PTPRT: variants seen among roughly 807,000 people sequenced by gnomAD.
PTPRT encodes protein tyrosine phosphatase receptor type T.
A neutral mutation model predicts 176.8 loss-of-function variants in PTPRT; 56 were observed. That is an observed-to-expected ratio of 0.32 (90% CI 0.26 to 0.40). The LOEUF (loss-of-function observed/expected upper bound fraction) is 0.40. Ranked by LOEUF, PTPRT falls within the 10% of genes least tolerant of loss-of-function variation. The probability of loss-of-function intolerance (pLI) is 1.00; values close to 1 mark genes in which losing one functional copy is unlikely to be tolerated. For missense variants in PTPRT, 1,540 were observed against 1,908.2 expected (o/e 0.81, Z 3.60); for synonymous variants, 783 against 739.0 (o/e 1.06, Z -0.96).
chr20:42,350,214 G>GTTTTTTTTTTTTTTTTTT (rs764181357), intron 11 of PTPRT, among the ~76,000 whole-genome samples: 1 of 58,288 alleles, frequency 1.7e-5, no homozygotes, highest in South Asian at 7.5e-4. Flanking sequence ...GATGTTTCTT[G>GTTTTTTTTTTTTTTTTTT]TTTTTTTTTT....
chr20:42,920,569 T>C (rs1301793350), intron 1 of PTPRT, among the ~76,000 whole-genome samples: 2 of 140,590 alleles, frequency 1.4e-5, no homozygotes, highest in Admixed American at 1.4e-4. Context: ...ACCTTAATAC[T>C]TTTTTTTTTC....
intron 9 of PTPRT, among the ~76,000 whole-genome samples, chr20:42,374,018 G>A (rs2058621104): frequency 6.6e-6 from 1 of 152,174 alleles, no homozygotes; most frequent in Admixed American, 6.5e-5. Flanking sequence ...GGAGGTGGGA[G>A]CAGAGAGGGC....
Position 42,139,039 on chromosome 20 carries a change from C to T in PTPRT, c.2770+2876G>A, listed in dbSNP as rs1044052009. ...CGGCAGGCTTTGCCTTTGGGAGGGA[C>T]GCATACAAGGGCAGGAACACTTTCC... On this transcript the variant is annotated intron_variant, in intron 18 of 30. Coordinates refer to ENST00000373187, the MANE Select transcript of PTPRT (RefSeq NM_007050.6). 6.6e-5 allele frequency among the ~76,000 whole-genome samples: 10 copies of T among 152,274 alleles called. No homozygotes were observed. In the South Asian group the frequency reaches 1.0e-3, roughly 16 times the overall value.
chr20:42,914,887 A>T (rs1225544025), intron 1 of PTPRT, among the ~76,000 whole-genome samples: 1 of 152,114 alleles, frequency 6.6e-6, no homozygotes, highest in Non-Finnish European at 1.5e-5. Flanking sequence ...TAAAAAAAAA[A>T]AAAATACATA....
chr20:42,256,141 T>C (rs2056634614), intron 13 of PTPRT, among the ~76,000 whole-genome samples: 1 of 151,936 alleles, frequency 6.6e-6, no homozygotes, highest in South Asian at 2.1e-4. Flanking sequence ...ATTATGGGGG[T>C]TTTGCCAAGA....
chr20:43,147,605 C>A (rs1223627598), intron 1 of PTPRT, among the ~76,000 whole-genome samples: 1 of 152,172 alleles, frequency 6.6e-6, no homozygotes, highest in Non-Finnish European at 1.5e-5. Context: ...CATCCCACAG[C>A]CTCTTGTTTG....
chr20:43,011,168 C>T (rs943248629), intron 1 of PTPRT, among the ~76,000 whole-genome samples: 42 of 152,078 alleles, frequency 2.8e-4, no homozygotes, highest in Non-Finnish European at 8.8e-5. Flanking sequence ...TTGAATGAGC[C>T]TATGTTCCCA....
At chr20:42,867,320 T>C (rs2145811589) in intron 2 of PTPRT, among the ~76,000 whole-genome samples, 1 of 152,108 alleles carries the variant, frequency 6.6e-6, no homozygotes, top group Non-Finnish European at 1.5e-5. Flanking sequence ...AGAATTGGCA[T>C]TCCAACTAAT....
intron 7 of PTPRT, among the ~76,000 whole-genome samples, chr20:42,534,294 G>A (rs899818874): frequency 6.6e-6 from 1 of 152,176 alleles, no homozygotes; most frequent in African/African-American, 2.4e-5. Context: ...CAGACAGTGT[G>A]TGTGGATTTC....
intron 5 of PTPRT, among the ~76,000 whole-genome samples, chr20:42,758,237 C>T (rs56821145): frequency 6.6e-5 from 10 of 152,190 alleles, no homozygotes; most frequent in Non-Finnish European, 1.0e-4. Flanking sequence ...TCTCGCAACG[C>T]GATCTTCATT....
intron 16 of PTPRT, among the ~76,000 whole-genome samples, chr20:42,181,762 C>G (rs930642042): frequency 5.9e-5 from 9 of 152,144 alleles, no homozygotes; most frequent in African/African-American, 1.7e-4. Context: ...GAAGCCCGGA[C>G]AGAAGTTGTC....
At chr20:42,289,215 G>C (rs1326276487) in intron 12 of PTPRT, among the ~76,000 whole-genome samples, 1 of 152,166 alleles carries the variant, frequency 6.6e-6, no homozygotes, top group South Asian at 2.1e-4. Flanking sequence ...ATTGGCCTAA[G>C]CAAATAATTT....
At chr20:42,830,741 C>T (rs2078070995) in intron 2 of PTPRT, among the ~76,000 whole-genome samples, 1 of 152,168 alleles carries the variant, frequency 6.6e-6, no homozygotes, top group African/African-American at 2.4e-5. Flanking sequence ...CATTTCTATA[C>T]ACCAACAACA....
At chr20:42,937,367 C>G (rs1029909173) in intron 1 of PTPRT, among the ~76,000 whole-genome samples, 7 of 152,120 alleles carry the variant, frequency 4.6e-5, no homozygotes, top group Non-Finnish European at 8.8e-5. Flanking sequence ...CTGTGTTTCT[C>G]TGCATTAAGA....
intron 7 of PTPRT, among the ~76,000 whole-genome samples, chr20:42,543,330 C>T (rs2145586484): frequency 6.6e-6 from 1 of 152,304 alleles, no homozygotes; most frequent in South Asian, 2.1e-4. Context: ...CCAGTGTTTA[C>T]AGCATCTTCA....
chr20:42,550,976 C>T (rs1568970606), intron 7 of PTPRT, among the ~76,000 whole-genome samples: 1 of 152,086 alleles, frequency 6.6e-6, no homozygotes, highest in Non-Finnish European at 1.5e-5. Context: ...ACTCGATTCT[C>T]CCCTTACTGT....
intron 1 of PTPRT, among the ~76,000 whole-genome samples, chr20:42,888,330 A>G (rs2079135683): frequency 6.6e-6 from 1 of 150,784 alleles, no homozygotes; most frequent in South Asian, 2.1e-4. Context: ...AAAGTGTGTC[A>G]TACCTCAACA....
At chr20:43,133,584 A>G (rs1458111590) in intron 1 of PTPRT, among the ~76,000 whole-genome samples, 2 of 152,036 alleles carry the variant, frequency 1.3e-5, no homozygotes, top group Non-Finnish European at 2.9e-5. Context: ...CGTCTCTACT[A>G]AAAATACAAA....
At chr20:42,386,512 C>A (rs6093634) in intron 9 of PTPRT, among the ~76,000 whole-genome samples, 41,638 of 151,932 alleles carry the variant, frequency 0.27, 6,049 homozygotes, top group East Asian at 0.58. Context: ...CTGGACAAAC[C>A]AAAGGGAAGA....
Sources: allele counts gnomAD v4.1 joint callset (sites outside exome capture counted in the v4.1 genomes callset), GRCh38; gene constraint gnomAD v4.1.1; transcripts MANE v1.5; gene names NCBI Gene and HGNC (gene_info 2026-07-23, HGNC 2026-07-21).